Variants in AGAP1 observed in about 807,000 individuals in gnomAD.
AGAP1 encodes arf-GAP with GTPase, ANK repeat and PH domain-containing protein 1.
Under a neutral mutation model 105.3 loss-of-function variants are expected in AGAP1, and 29 were observed. That is an observed-to-expected ratio of 0.28 (90% CI 0.21 to 0.38). The LOEUF (loss-of-function observed/expected upper bound fraction) is 0.38. AGAP1 is among the 10% of genes least tolerant of loss of function. AGAP1 has a pLI of 1.00. For synonymous variants in AGAP1, 509 were observed against 485.9 expected, an observed-to-expected ratio of 1.05 and a Z score of -0.63; for missense variants, 998 against 1,165.1, an observed-to-expected ratio of 0.86 and a Z score of 2.09.
chr2:235,871,641 G>A (rs1404921847), intron 9 of AGAP1, among the ~76,000 whole-genome samples: 2 of 152,170 alleles, frequency 1.3e-5, no homozygotes, highest in African/African-American at 4.8e-5. Context: ...TTTCTTACCT[G>A]TTGCTGCATA....
rs1390929449 is a variant in AGAP1, at chr2:235,900,729, G to A, written c.1156-8009G>A. The stretch of plus-strand genomic sequence containing the variant: ...GCTGCTTCAGGATGATGGGGAACAT[G>A]GTAAGACCAGTGAATTCCATAAGCA... On this transcript the variant is annotated intron_variant, in intron 10 of 17. Transcript: ENST00000304032. This position sits in a 1 kb window ranked among gnomAD's most constrained non-coding sequence, Gnocchi z 5.5. 6.6e-6 allele frequency among the ~76,000 whole-genome samples: 1 copy of A among 152,182 alleles called. No individual in the cohort carries two copies. Among genetic ancestry groups the A allele is most frequent in the Non-Finnish European group, 1.5e-5 (1 of 68,026 alleles).
chr2:235,759,422 G>A (rs979199337), intron 6 of AGAP1, among the ~76,000 whole-genome samples: 4 of 152,278 alleles, frequency 2.6e-5, no homozygotes, highest in Non-Finnish European at 5.9e-5. Flanking sequence ...GCCCGCCTTG[G>A]CCTCCCAAAG....
chr2:235,691,084 C>T lies in AGAP1; in HGVS notation c.164-18095C>T, dbSNP rs1949713057. ...GGGGGTTGTAGACAAGATTCTACCCCCTCCTCCAGACTCTGCTCCCTAGGC... is the reference window on the plus strand; with the variant it reads ...GGGGGTTGTAGACAAGATTCTACCCTCTCCTCCAGACTCTGCTCCCTAGGC... On this transcript the variant is annotated intron_variant, in intron 1 of 17. Coordinates refer to ENST00000304032, the MANE Select transcript of AGAP1 (RefSeq NM_001037131.3). The surrounding 1 kb of genome is among the most constrained non-coding windows in gnomAD (Gnocchi z 4.4). 6.6e-6 allele frequency among the ~76,000 whole-genome samples: 1 copy of T among 152,096 alleles called. No homozygotes were observed. The highest frequency in any genetic ancestry group is 2.1e-4 in the South Asian group (1 of 4,816).
intron 12 of AGAP1, among the ~76,000 whole-genome samples, chr2:235,942,299 C>T (rs1354001071): frequency 6.6e-6 from 1 of 152,142 alleles, no homozygotes; most frequent in Non-Finnish European, 1.5e-5. Flanking sequence ...ATTTGCATCT[C>T]GTTCTTTGGT....
At chr2:235,807,652 G>A (rs1957908881) in intron 9 of AGAP1, among the ~76,000 whole-genome samples, 1 of 152,182 alleles carries the variant, frequency 6.6e-6, no homozygotes, top group Non-Finnish European at 1.5e-5. Context: ...GGGCAACAGG[G>A]GTAACTCAGA....
Position 235,610,989 on chromosome 2 carries a change from C to T in AGAP1, c.164-98190C>T, listed in dbSNP as rs1307602696. Among the ~76,000 whole-genome samples, 1 of 152,120 alleles carries T rather than the reference C, an allele frequency of 6.6e-6. No individual in the cohort carries two copies. The highest frequency in any genetic ancestry group is 2.4e-5 in the African/African-American group (1 of 41,394). On this transcript the variant is annotated intron_variant, in intron 1 of 17. Transcript: ENST00000304032. The surrounding 1 kb of genome is among the most constrained non-coding windows in gnomAD (Gnocchi z 4.9). The stretch of plus-strand genomic sequence containing the variant: ...CGTTAGCTTGGCTTTCTTCCTAAGG[C>T]ACCGTCTTCCTCATTGAAACTGTGC...
rs138462692 is a variant in AGAP1 at position 235,829,926 on chromosome 2, A to T, written c.1050+22595A>T. Among the ~76,000 whole-genome samples, 5 of 152,210 alleles carry T rather than the reference A, an allele frequency of 3.3e-5. No individual in the cohort carries two copies. In the East Asian group the frequency reaches 9.7e-4, roughly 29 times the overall value. ...GGGCCGGGACAGGCAGAGCTTCAGG[A>T]AGTGACAAGTAGTCTCTGGGGACCG... On this transcript the variant is annotated intron_variant, in intron 9 of 17. Coordinates refer to ENST00000304032, the MANE Select transcript of AGAP1 (RefSeq NM_001037131.3).
In AGAP1 at chr2:235,517,924, C is replaced by T. The variant is rs1462445463; in HGVS notation, c.163+23075C>T. Among the ~76,000 whole-genome samples the T allele has an allele frequency of 3.3e-5, 4 of 120,954 alleles. No individual in the cohort carries two copies. Among genetic ancestry groups the T allele is most frequent in the African/African-American group, 3.4e-5 (1 of 29,804 alleles). The allele number at this position is 120,954 out of a possible 152,430, so 79.4% of individuals were successfully genotyped here. On this transcript the variant is annotated intron_variant, in intron 1 of 17. Transcript: ENST00000304032. This position sits in a 1 kb window ranked among gnomAD's most constrained non-coding sequence, Gnocchi z 4.1. ...CTCCAGCCTGGGTGACAGAGTGAGACTCCGTTTCAAAAAAAAAAAAAAAGA... is the reference window on the plus strand; with the variant it reads ...CTCCAGCCTGGGTGACAGAGTGAGATTCCGTTTCAAAAAAAAAAAAAAAGA...
rs549326649 is a variant in AGAP1, at chr2:235,703,702, A to G, written c.164-5477A>G. ...CAACCTCCGCCTCCTGGGTCAAGCA[A>G]TTCTCCTGCCTTAGCCTCCAAGTAC... On this transcript the variant is annotated intron_variant, in intron 1 of 17. Coordinates refer to ENST00000304032, the MANE Select transcript of AGAP1 (RefSeq NM_001037131.3). Among the ~76,000 whole-genome samples the G allele has an allele frequency of 1.9e-3, 293 of 151,972 alleles. 3 individuals are homozygous for G. Among genetic ancestry groups the G allele is most frequent in the African/African-American group, 6.7e-3 (278 of 41,448 alleles).
chr2:235,785,257 G>A (rs1956551069), intron 6 of AGAP1, among the ~76,000 whole-genome samples: 1 of 152,214 alleles, frequency 6.6e-6, no homozygotes, highest in South Asian at 2.1e-4. Flanking sequence ...GAAGGAGAGT[G>A]TGCCTGTGAG....
At chr2:235,746,966 C>A (rs1037902630) in intron 5 of AGAP1, among the ~76,000 whole-genome samples, 1 of 152,172 alleles carries the variant, frequency 6.6e-6, no homozygotes, top group African/African-American at 2.4e-5. Context: ...TGGGACCACA[C>A]ACACCTGCGT....
Position 235,820,467 on chromosome 2 carries a change from A to G in AGAP1, c.1050+13136A>G, listed in dbSNP as rs73126460. Among the ~76,000 whole-genome samples the G allele has an allele frequency of 2.5e-3, 388 of 152,338 alleles. 1 individual carries two copies. Among genetic ancestry groups the G allele is most frequent in the African/African-American group, 8.2e-3 (340 of 41,568 alleles). On this transcript the variant is annotated intron_variant, in intron 9 of 17. Coordinates refer to ENST00000304032, the MANE Select transcript of AGAP1 (RefSeq NM_001037131.3). ...CTTTTCTACTTTTGAGTATTTATCCAGAAGAAGATTTGTTTAAATAAATGT... is the reference window on the plus strand; with the variant it reads ...CTTTTCTACTTTTGAGTATTTATCCGGAAGAAGATTTGTTTAAATAAATGT...
intron 1 of AGAP1, among the ~76,000 whole-genome samples, chr2:235,688,570 G>T (rs996843926): frequency 6.6e-6 from 1 of 152,144 alleles, no homozygotes; most frequent in Admixed American, 6.5e-5. Context: ...GAGACTGCAG[G>T]CCCTACTAGA....
Position 235,716,069 on chromosome 2 carries a change from T to A in AGAP1, c.223-1488T>A, listed in dbSNP as rs1473111935. On this transcript the variant is annotated intron_variant, in intron 2 of 17. Coordinates refer to ENST00000304032, the MANE Select transcript of AGAP1 (RefSeq NM_001037131.3). This position sits in a 1 kb window ranked among gnomAD's most constrained non-coding sequence, Gnocchi z 4.0. Reference sequence around the variant, plus strand: ...GCGATTTGGGAATAGGCAGCTTTTTTTTCCCCCCACATCCAACCTTCTATC... The same window carrying A: ...GCGATTTGGGAATAGGCAGCTTTTTATTCCCCCCACATCCAACCTTCTATC... Among the ~76,000 whole-genome samples the A allele has an allele frequency of 6.6e-6, 1 of 152,204 alleles. No homozygotes were observed. The highest frequency in any genetic ancestry group is 1.5e-5 in the Non-Finnish European group (1 of 68,036).
At chr2:235,573,024 CT>C in intron 1 of AGAP1, among the ~76,000 whole-genome samples, 1 of 19,158 alleles carries the variant, frequency 5.2e-5, no homozygotes, top group East Asian at 3.0e-3. Context: ...TCTTCTTCTT[CT>C]TCTTCTTCTT....
chr2:235,890,952 A>C (rs369680109), intron 10 of AGAP1, among the ~76,000 whole-genome samples: 1 of 150,662 alleles, frequency 6.6e-6, no homozygotes, highest in African/African-American at 2.5e-5. Context: ...CAAAAAAAAA[A>C]ACACCTCAGT....
intron 1 of AGAP1, among the ~76,000 whole-genome samples, chr2:235,604,115 C>G (rs1945835514): frequency 6.6e-6 from 1 of 151,432 alleles, no homozygotes; most frequent in African/African-American, 2.4e-5. Context: ...AGAATTCAGG[C>G]TGGTTTCAGA....
intron 17 of AGAP1, among the ~76,000 whole-genome samples, chr2:236,122,186 AGC>A (rs2059916283): frequency 6.6e-6 from 1 of 152,082 alleles, no homozygotes; most frequent in African/African-American, 2.4e-5. Context: ...CCTGCCTTTA[AGC>A]AGTCCTCTCA....
intron 1 of AGAP1, among the ~76,000 whole-genome samples, chr2:235,540,397 A>G (rs1943396407): frequency 6.6e-6 from 1 of 152,028 alleles, no homozygotes. Flanking sequence ...AGGTGATCCA[A>G]CTGCCTCGGC....
Sources: allele counts gnomAD v4.1 joint callset (sites outside exome capture counted in the v4.1 genomes callset), GRCh38; gene constraint gnomAD v4.1.1; non-coding constraint Gnocchi (gnomAD v3.1); transcripts MANE v1.5; gene names NCBI Gene and HGNC (gene_info 2026-07-23, HGNC 2026-07-21).